Variants in TNRC6A observed in about 807,000 individuals in gnomAD.
The protein encoded by TNRC6A is trinucleotide repeat-containing gene 6A protein.
Under a neutral mutation model 221.2 loss-of-function variants are expected in TNRC6A, and 44 were observed. The ratio of observed to expected loss-of-function variants is 0.20; its 90% CI spans 0.16 to 0.26. The LOEUF (loss-of-function observed/expected upper bound fraction) is 0.26. Ranked by LOEUF, TNRC6A falls within the 10% of genes least tolerant of loss-of-function variation. The probability of loss-of-function intolerance (pLI) is 1.00; values close to 1 mark genes in which losing one functional copy is unlikely to be tolerated. For missense variants in TNRC6A, 2,199 were observed against 2,404.4 expected (o/e 0.91, Z 1.79); for synonymous variants, 847 against 838.5 (o/e 1.01, Z -0.18).
chr16:24,693,763 G>A (rs978617676), intron 2 of TNRC6A, among the ~76,000 whole-genome samples: 10 of 151,908 alleles, frequency 6.6e-5, no homozygotes, highest in Non-Finnish European at 1.0e-4. Context: ...ATCTGGATAT[G>A]GTAGCATGTG....
At chr16:24,639,025 G>A (rs2141734307) in intron 1 of TNRC6A, among the ~76,000 whole-genome samples, 1 of 152,304 alleles carries the variant, frequency 6.6e-6, no homozygotes, top group South Asian at 2.1e-4. Flanking sequence ...CACTGGGGTG[G>A]AGGCAACTGA....
intron 2 of TNRC6A, among the ~76,000 whole-genome samples, chr16:24,677,531 G>A (rs1466074390): frequency 6.6e-6 from 1 of 152,088 alleles, no homozygotes; most frequent in East Asian, 1.9e-4. Flanking sequence ...TTGAAACATG[G>A]GAGTTCATCC....
intron 2 of TNRC6A, among the ~76,000 whole-genome samples, chr16:24,659,852 C>T (rs1596613889): frequency 1.3e-5 from 2 of 152,220 alleles, no homozygotes; most frequent in East Asian, 1.9e-4. Context: ...ATGAAAATTC[C>T]ATAGGCACAT....
intron 4 of TNRC6A, among the ~76,000 whole-genome samples, chr16:24,771,437 G>A (rs918218705): frequency 2.6e-5 from 4 of 152,042 alleles, no homozygotes; most frequent in Non-Finnish European, 4.4e-5. Flanking sequence ...GGACAGTTTA[G>A]GTAAGATTAA....
chr16:24,738,302 TATG>T (rs2056815447), intron 2 of TNRC6A, among the ~76,000 whole-genome samples: 1 of 152,182 alleles, frequency 6.6e-6, no homozygotes, highest in African/African-American at 2.4e-5. Context: ...AAAATTCCCA[TATG>T]ATAAAATTCA....
At chr16:24,728,369 C>T (rs2056528113), upstream of TNRC6A, among the ~76,000 whole-genome samples, 1 of 152,094 alleles carries the variant, frequency 6.6e-6, no homozygotes, top group South Asian at 2.1e-4. Context: ...ATTGCTTGAA[C>T]TCGGGAGGCG....
chr16:24,624,882 T>G (rs1464425336), intron 1 of TNRC6A, among the ~76,000 whole-genome samples: 2 of 152,212 alleles, frequency 1.3e-5, no homozygotes, highest in African/African-American at 4.8e-5. Flanking sequence ...ACAGAGGTCT[T>G]TTCTGAGTGT....
chr16:24,791,426 T>G lies in TNRC6A; in HGVS notation c.2784T>G (p.Ser928=). Residue 928 remains serine, a synonymous_variant, in exon 6 of 25, where the codon TCT becomes TCG. Transcript: ENST00000395799. ...PSQGWGDPPK[S]NQSLGWGDSS... ...AGGGATGGGGAGACCCTCCAAAGTC[T>G]AATCAGTCTCTAGGTTGGGGAGATT... 2 of 1,548,650 alleles carry G rather than the reference T, an allele frequency of 1.3e-6. No homozygotes were observed. Among genetic ancestry groups the G allele is most frequent in the Non-Finnish European group, 1.7e-6 (2 of 1,150,080 alleles).
intron 4 of TNRC6A, 163 bp from the exon 5 acceptor site, chr16:24,776,770 C>T (rs1015838377): frequency 7.9e-5 from 78 of 985,260 alleles, no homozygotes; most frequent in African/African-American, 1.4e-4. Context: ...GCAGTGACAT[C>T]TCCTAACAAA....
intron 18 of TNRC6A, among the ~76,000 whole-genome samples, chr16:24,813,152 T>G (rs1391143338): frequency 1.3e-5 from 2 of 152,076 alleles, no homozygotes; most frequent in East Asian, 3.9e-4. Context: ...GCTGGGATTA[T>G]AGGCGTGAGC....
intron 17 of TNRC6A, among the ~76,000 whole-genome samples, chr16:24,807,744 CTTGATTATATTTTAACCATTGA>C (rs1480239869): frequency 4.6e-5 from 7 of 151,556 alleles, no homozygotes; most frequent in African/African-American, 1.7e-4. Context: ...TTCTTGTGCC[CTTGATTATATTTTAACCATTGA>C]TTGTTCATGC....
rs945407119 is a variant in TNRC6A, at chr16:24,822,013, A to G, written c.5303-64A>G. 5.4e-6 allele frequency: 8 copies of G among 1,485,456 alleles called. No homozygotes were observed. The Admixed American group carries it at 6.7e-5, about 12-fold the overall frequency. 92.0% of individuals were successfully genotyped at this position (1,485,456 alleles called of 1,614,324 possible). On this transcript the variant is annotated intron_variant, in intron 22 of 24. Transcript: ENST00000395799. ...AAGTCAAGAGGCCAGGTGATCTGCTAAGTAACTGTAGTTGGGCTCTTTCAG... is the reference window on the plus strand; with the variant it reads ...AAGTCAAGAGGCCAGGTGATCTGCTGAGTAACTGTAGTTGGGCTCTTTCAG...
Position 24,619,160 on chromosome 16 carries a change from A to G in TNRC6A, n.276+8676A>G, listed in dbSNP as rs76704181. Among the ~76,000 whole-genome samples the G allele has an allele frequency of 3.5e-3, 539 of 152,310 alleles. 8 individuals are homozygous for G. Among genetic ancestry groups the G allele is most frequent in the African/African-American group, 0.013 (521 of 41,578 alleles). The stretch of plus-strand genomic sequence containing the variant: ...TAATTGCCATGAGAACTAAAGATAC[A>G]TTCTTGCTGCCTTGATTGGGCTGTT... On this transcript the variant is annotated intron_variant and non_coding_transcript_variant, in intron 1 of 2. Transcript: ENST00000566108.
At chr16:24,743,736 C>A (rs892497397) in intron 2 of TNRC6A, among the ~76,000 whole-genome samples, 2 of 152,200 alleles carry the variant, frequency 1.3e-5, no homozygotes, top group African/African-American at 4.8e-5. Context: ...ACTTTATTCC[C>A]TCTTTTTATA....
intron 4 of TNRC6A, among the ~76,000 whole-genome samples, chr16:24,762,377 G>A (rs930054139): frequency 5.3e-5 from 8 of 152,178 alleles, no homozygotes; most frequent in Admixed American, 3.9e-4. Flanking sequence ...TATTATAGCT[G>A]ACTTAGAGCA....
chr16:24,632,135 G>A (rs1457188746), intron 1 of TNRC6A, among the ~76,000 whole-genome samples: 7 of 151,942 alleles, frequency 4.6e-5, no homozygotes, highest in Non-Finnish European at 1.0e-4. Flanking sequence ...ACAGGTGTGA[G>A]CCACCACGCC....
intron 5 of TNRC6A, among the ~76,000 whole-genome samples, chr16:24,780,609 T>C (rs893614699): frequency 6.6e-6 from 1 of 152,176 alleles, no homozygotes; most frequent in Non-Finnish European, 1.5e-5. Context: ...AAGATTTACA[T>C]GAGTGATTAC....
intron 2 of TNRC6A, among the ~76,000 whole-genome samples, chr16:24,642,767 C>T (rs1351474471): frequency 1.3e-5 from 2 of 152,102 alleles, no homozygotes; most frequent in African/African-American, 4.8e-5. Context: ...TTGCGGTGAG[C>T]TGAGATAGTG....
rs117320291 is a variant in TNRC6A, at chr16:24,761,207, C to T, written c.163+2847C>T. On this transcript the variant is annotated intron_variant, in intron 4 of 24. Transcript: ENST00000395799. ...CTGAGGAACTAAATTTTTAATCTTA[C>T]GGGACAACATAGCTCTAAAGTGTAA... 1.9e-3 allele frequency among the ~76,000 whole-genome samples: 291 copies of T among 152,268 alleles called. 3 individuals carry two copies. The highest frequency in any genetic ancestry group is 7.5e-4 in the Non-Finnish European group (51 of 68,022).
Sources: gnomAD v4.1 joint callset for allele counts (sites outside exome capture counted in the v4.1 genomes callset) on GRCh38, gnomAD v4.1.1 for gene constraint, MANE v1.5 for transcripts, NCBI Gene and HGNC (gene_info 2026-07-23, HGNC 2026-07-21) for gene names.